Variants in CRYBG1 observed in about 807,000 individuals in gnomAD.
The protein encoded by CRYBG1 is beta/gamma crystallin domain-containing protein 1.
Under a neutral mutation model 189.2 loss-of-function variants are expected in CRYBG1, and 139 were observed. The ratio of observed to expected loss-of-function variants is 0.73; its 90% CI spans 0.64 to 0.85. The LOEUF (loss-of-function observed/expected upper bound fraction) is 0.85. Among genes scored for constraint, CRYBG1 ranks in the 40% least tolerant of loss-of-function variants. CRYBG1 has a pLI of 0.00. For synonymous variants in CRYBG1, 1,023 were observed against 1,017.1 expected (o/e 1.01, Z -0.11); for missense variants, 2,611 against 2,675.8 (o/e 0.98, Z 0.53).
rs1006013404 is a variant in CRYBG1, at chr6:106,537,672, G to A, written c.4719-1731G>A. 1.4e-4 allele frequency among the ~76,000 whole-genome samples: 21 copies of A among 152,238 alleles called. No homozygotes were observed. In the East Asian group the frequency reaches 2.3e-3, roughly 17 times the overall value. On this transcript the variant is annotated intron_variant, in intron 8 of 21. Coordinates refer to ENST00000633556, the MANE Select transcript of CRYBG1 (RefSeq NM_001371242.2). ...ATTTTCACAAAGTGAATACACAAGC[G>A]CAGTCACCATTCAGATCAAGAAAAA...
In CRYBG1 at chr6:106,539,449, C is replaced by T. The variant is rs1248169190; in HGVS notation, c.4765C>T (p.Leu1589=). The T allele has an allele frequency of 6.2e-7, 1 of 1,613,814 alleles. No individual in the cohort carries two copies. The highest frequency in any genetic ancestry group is 1.1e-5 in the South Asian group (1 of 91,060). The change falls in exon 9 of 22, where the codon CTG becomes TTG. Residue 1589 remains leucine (L), a synonymous_variant. Transcript: ENST00000633556. ...EPGFQGVPFI[L]EPGEYPDLSF... is the part of the protein sequence containing the mutation. ...TGGATTTCAGGGTGTTCCTTTCATCCTGGAACCTGGTGAATACCCTGACTT... is the reference window on the plus strand; with the variant it reads ...TGGATTTCAGGGTGTTCCTTTCATCTTGGAACCTGGTGAATACCCTGACTT...
chr6:106,367,454 G>A (rs1772024479), intron 1 of CRYBG1, among the ~76,000 whole-genome samples: 1 of 151,878 alleles, frequency 6.6e-6, no homozygotes. Flanking sequence ...GGGCGTGGTG[G>A]CATACGCCTG....
chr6:106,431,594 C>CT (rs1771327539), intron 1 of CRYBG1, among the ~76,000 whole-genome samples: 1 of 152,008 alleles, frequency 6.6e-6, no homozygotes, highest in Non-Finnish European at 1.5e-5. Flanking sequence ...AAAAAAATCA[C>CT]TGTGTTCTGT....
At chr6:106,518,461 T>G (rs986944525) in intron 3 of CRYBG1, among the ~76,000 whole-genome samples, 2 of 152,242 alleles carry the variant, frequency 1.3e-5, no homozygotes, top group African/African-American at 4.8e-5. Flanking sequence ...TTTAAATTTC[T>G]TCTAATGTTG....
intron 18 of CRYBG1, among the ~76,000 whole-genome samples, chr6:106,559,273 G>GA (rs2114595551): frequency 6.6e-6 from 1 of 152,276 alleles, no homozygotes; most frequent in African/African-American, 2.4e-5. Flanking sequence ...CTTTAGCTGG[G>GA]AATGACTGGC....
intron 1 of CRYBG1, among the ~76,000 whole-genome samples, chr6:106,424,889 T>C (rs1771197546): frequency 6.6e-6 from 1 of 152,088 alleles, no homozygotes; most frequent in Non-Finnish European, 1.5e-5. Flanking sequence ...TGGAGACTCC[T>C]CACCTCTGCC....
At chr6:106,390,281 G>GA (rs2114335152) in intron 1 of CRYBG1, among the ~76,000 whole-genome samples, 1 of 152,186 alleles carries the variant, frequency 6.6e-6, no homozygotes, top group African/African-American at 2.4e-5. Flanking sequence ...ACCAAAGCAG[G>GA]AAATAGGATT....
At chr6:106,543,627 C>CT (rs747761201) in intron 11 of CRYBG1, 30 bp downstream of exon 11, 29 of 1,590,582 alleles carry the variant, frequency 1.8e-5, no homozygotes, top group South Asian at 3.4e-5. Context: ...GTTAGGATTT[C>CT]TTTTTTTTCC....
intron 1 of CRYBG1, among the ~76,000 whole-genome samples, chr6:106,384,034 A>C (rs1770337918): frequency 6.6e-6 from 1 of 152,250 alleles, no homozygotes; most frequent in African/African-American, 2.4e-5. Flanking sequence ...TTGGCCATGC[A>C]GGTACCAGGT....
chr6:106,554,293 C>CA (rs1436565752), intron 16 of CRYBG1, among the ~76,000 whole-genome samples: 6 of 152,102 alleles, frequency 3.9e-5, no homozygotes, highest in African/African-American at 1.4e-4. Context: ...TATTGCACAG[C>CA]AAAAAAGCAC....
rs770602422 is a variant in CRYBG1, at chr6:106,563,759, A to G, written c.6139-5A>G. ...TTAAGATATCTGGTCTTTTCCACTG[A>G]GCAGATAGCAGAAGACTGCTGCCTG... On this transcript the variant is annotated splice_polypyrimidine_tract_variant and splice_region_variant and intron_variant, in intron 20 of 21. Coordinates refer to ENST00000633556, the MANE Select transcript of CRYBG1 (RefSeq NM_001371242.2). 5.0e-6 allele frequency: 8 copies of G among 1,597,660 alleles called. No homozygotes were observed. Among genetic ancestry groups the G allele is most frequent in the Non-Finnish European group, 6.0e-6 (7 of 1,166,140 alleles).
At chr6:106,548,877 A>G (rs964278437) in intron 13 of CRYBG1, among the ~76,000 whole-genome samples, 12 of 146,552 alleles carry the variant, frequency 8.2e-5, no homozygotes, top group East Asian at 6.3e-4. Context: ...ATATCTCCTA[A>G]TGCTATCCCT....
At chr6:106,470,875 C>T (rs1171143149) in intron 2 of CRYBG1, among the ~76,000 whole-genome samples, 3 of 152,112 alleles carry the variant, frequency 2.0e-5, no homozygotes, top group African/African-American at 7.2e-5. Context: ...CAAGGAAAAT[C>T]AAGGGTGTTG....
intron 2 of CRYBG1, among the ~76,000 whole-genome samples, chr6:106,482,149 C>T (rs1201614230): frequency 3.9e-5 from 6 of 152,208 alleles, no homozygotes; most frequent in African/African-American, 7.2e-5. Flanking sequence ...TCCAACCTCA[C>T]GTAGTTGTTG....
chr6:106,508,375 A>G (rs2114518593), intron 2 of CRYBG1, among the ~76,000 whole-genome samples: 1 of 152,312 alleles, frequency 6.6e-6, no homozygotes, highest in East Asian at 1.9e-4. Flanking sequence ...GTACAGTTTG[A>G]TGAGTTTTGA....
At position 106,444,428 on chromosome 6, in the gene CRYBG1, C is replaced by T. The variant is rs977715762; in HGVS notation, c.174-7266C>T. On this transcript the variant is annotated intron_variant, in intron 1 of 21. Coordinates refer to ENST00000633556, the MANE Select transcript of CRYBG1 (RefSeq NM_001371242.2). ...CCGAGCCGTTCCTTGAGGCACAGAC[C>T]TCGGTTCCTCAGTTCTCCTGGGGAT... 2.0e-5 allele frequency among the ~76,000 whole-genome samples: 3 copies of T among 152,174 alleles called. No individual in the cohort carries two copies. The South Asian group carries it at 6.2e-4, about 32-fold the overall frequency.
chr6:106,366,402 T>C (rs148188781), intron 1 of CRYBG1, among the ~76,000 whole-genome samples: 3,284 of 152,328 alleles, frequency 0.022, 52 homozygotes, highest in South Asian at 0.058. Context: ...CCACTAGCTG[T>C]GAGCTTCTTG....
At position 106,558,631 on chromosome 6, in the gene CRYBG1, T is replaced by C. The variant is rs755638342; in HGVS notation, c.5855+6T>C. 4 of 1,595,402 alleles carry C rather than the reference T, an allele frequency of 2.5e-6. No individual in the cohort carries two copies. The highest frequency in any genetic ancestry group is 2.7e-5 in the African/African-American group (2 of 73,740). Reference sequence around the variant, plus strand: ...GTTCAGGTTATTGGTGGCATGTGAGTTACCTACTTGTTGACTCAATAAAAT... The same window carrying C: ...GTTCAGGTTATTGGTGGCATGTGAGCTACCTACTTGTTGACTCAATAAAAT... On this transcript the variant is annotated splice_donor_region_variant and intron_variant, in intron 18 of 21. Transcript: ENST00000633556.
At chr6:106,491,788 C>T (rs1381225531) in intron 2 of CRYBG1, among the ~76,000 whole-genome samples, 2 of 152,146 alleles carry the variant, frequency 1.3e-5, no homozygotes, top group African/African-American at 2.4e-5. Context: ...CAGATCATGT[C>T]GCCTCCCCGC....
Sources: gnomAD v4.1 joint callset for allele counts (sites outside exome capture counted in the v4.1 genomes callset) on GRCh38, gnomAD v4.1.1 for gene constraint, MANE v1.5 for transcripts, NCBI Gene and HGNC (gene_info 2026-07-23, HGNC 2026-07-21) for gene names.